Variants in C19orf25 observed in about 807,000 individuals in gnomAD.
C19orf25 encodes the protein chromosome 19 open reading frame 25.
C19orf25 carries 1 observed loss-of-function variant against 3.1 expected under a neutral mutation model. That is an observed-to-expected ratio of 0.32 (90% CI 0.12 to 1.54). The LOEUF is 1.54. C19orf25 is among the 40% of genes most tolerant of loss of function. The pLI, the probability that C19orf25 is intolerant of heterozygous loss-of-function variation, is 0.38. For synonymous variants in C19orf25, 91 were observed against 74.3 expected (o/e 1.23, Z -1.16); for missense variants, 196 against 160.4 (o/e 1.22, Z -1.20).
At position 1,474,913 on chromosome 19, in the gene C19orf25, G is replaced by C; in HGVS notation, c.*119C>G. On this transcript the variant is annotated 3_prime_UTR_variant, in exon 3 of 3. Coordinates refer to ENST00000585675, the MANE Select transcript of C19orf25 (RefSeq NM_152482.3). ...AGCCCCAGCATCAGGAGGGGCGCCT[G>C]TGTCAACACCCACGTGGGCTGGGAC... 1 of 1,524,078 alleles carries C rather than the reference G, an allele frequency of 6.6e-7. No individual in the cohort carries two copies. Among genetic ancestry groups the C allele is most frequent in the South Asian group, 1.2e-5 (1 of 83,636 alleles). 94.4% of individuals were successfully genotyped at this position (1,524,078 alleles called of 1,614,324 possible).
rs1050034445 is a variant in C19orf25 at position 1,478,871 on chromosome 19, C to G, written c.33G>C (p.Leu11=). The change falls in exon 2 of 3, where the codon CTG becomes CTC. Residue 11 remains leucine (L), a synonymous_variant. Transcript: ENST00000585675. ...CCGTGGGGGGCGCTGGGCGGGTGGGCAGCAGCACGCGCTTCTTTGCCTTGG... is the reference window on the plus strand; with the variant it reads ...CCGTGGGGGGCGCTGGGCGGGTGGGGAGCAGCACGCGCTTCTTTGCCTTGG... MGSKAKKRVL[L]PTRPAPPTVE... 2.8e-5 allele frequency: 45 copies of G among 1,593,946 alleles called. No homozygotes were observed. The highest frequency in any genetic ancestry group is 3.6e-5 in the Non-Finnish European group (42 of 1,172,398).
chr19:1,477,709 C>G (rs2084219635), intron 2 of C19orf25, among the ~76,000 whole-genome samples: 1 of 152,134 alleles, frequency 6.6e-6, no homozygotes, highest in Non-Finnish European at 1.5e-5. Context: ...CAGAAATGTT[C>G]TTTTTCACCC....
chr19:1,476,003 G>A (rs1178063421), intron 2 of C19orf25: 11 of 392,884 alleles, frequency 2.8e-5, no homozygotes, highest in Non-Finnish European at 3.6e-5. Context: ...CTCTCCAGGG[G>A]CCGTGCAACC....
chr19:1,479,052 C>A, intron 1 of C19orf25, 111 bp downstream of exon 1: 1 of 1,386,902 alleles, frequency 7.2e-7, no homozygotes, highest in Non-Finnish European at 9.3e-7. Flanking sequence ...GAGCTCGCCC[C>A]AGGCCCTGAC....
In C19orf25 at chr19:1,479,178, G is replaced by A. The variant is rs2084239191; in HGVS notation, c.-18C>T. 4.7e-6 allele frequency: 6 copies of A among 1,281,646 alleles called. No homozygotes were observed. The highest frequency in any genetic ancestry group is 2.4e-5 in the South Asian group (1 of 42,104). The allele number at this position is 1,281,646 out of a possible 1,614,324, so 79.4% of individuals were successfully genotyped here. A position where few individuals can be genotyped will look rare whatever the true frequency, so the allele number is the denominator to read the frequency against. ...CTCTTCCCACCTGGGCGCGGGACCC[G>A]AAAGCCCAGCGTCGACGACGCAGCC... On this transcript the variant is annotated 5_prime_UTR_variant, in exon 1 of 3. Coordinates refer to ENST00000585675, the MANE Select transcript of C19orf25 (RefSeq NM_152482.3).
Position 1,474,966 on chromosome 19 carries a change from G to A in C19orf25, c.*66C>T, listed in dbSNP as rs775480565. 2.5e-5 allele frequency: 38 copies of A among 1,532,262 alleles called. No individual in the cohort carries two copies. Among genetic ancestry groups the A allele is most frequent in the South Asian group, 1.2e-5 (1 of 84,128 alleles). 94.9% of individuals were successfully genotyped at this position (1,532,262 alleles called of 1,614,324 possible). The stretch of plus-strand genomic sequence containing the variant: ...CGTGAATGCCAGTCTGGGGCCGACG[G>A]ACCCCCAGGGAAAGCCTGGGTGCAG... On this transcript the variant is annotated 3_prime_UTR_variant, in exon 3 of 3. Coordinates refer to ENST00000585675, the MANE Select transcript of C19orf25 (RefSeq NM_152482.3).
intron 2 of C19orf25, 116 bp from the exon 3 acceptor site, chr19:1,475,374 C>A: frequency 9.2e-7 from 1 of 1,087,800 alleles, no homozygotes. Flanking sequence ...GCTTGCCAGC[C>A]GGGGTCTTCT....
intron 2 of C19orf25, chr19:1,476,218 C>A (rs534098592): frequency 2.3e-5 from 9 of 398,742 alleles, no homozygotes; most frequent in Non-Finnish European, 4.0e-5. Context: ...GCCTGCCCCT[C>A]GGCAGTGTGG....
chr19:1,478,313 T>C (rs1490261640), intron 2 of C19orf25: 6 of 221,182 alleles, frequency 2.7e-5, no homozygotes, highest in Non-Finnish European at 5.3e-5. Flanking sequence ...CGATCTCGGC[T>C]CACTGCAAAC....
intron 2 of C19orf25, 140 bp downstream of exon 2, chr19:1,478,634 G>A: frequency 6.9e-7 from 1 of 1,451,378 alleles, no homozygotes; most frequent in Non-Finnish European, 9.1e-7. Flanking sequence ...AGTAGAGGGA[G>A]ACTCGGAGAG....
At chr19:1,476,163 G>A (rs966597243) in intron 2 of C19orf25, 126 of 398,526 alleles carry the variant, frequency 3.2e-4, no homozygotes, top group Admixed American at 8.4e-4. Context: ...AAGCAGCACC[G>A]ACTTCAGGGT....
In C19orf25 at chr19:1,474,227, T is replaced by C. The variant is rs45441601; in HGVS notation, c.*805A>G. 0.052 allele frequency: 7,969 copies of C among 152,188 alleles called. 221 individuals carry two copies. The highest frequency in any genetic ancestry group is 0.099 in the Middle Eastern group (29 of 292). The allele number at this position is 152,188 out of a possible 1,614,324, so 9.4% of individuals were successfully genotyped here. A position where few individuals can be genotyped will look rare whatever the true frequency, so the allele number is the denominator to read the frequency against. Reference sequence around the variant, plus strand: ...CAGCCTCTGGGCCGCCTTGCCCAGGTTTCCACTCAAGTTGCTATTTAGGAT... The same window carrying C: ...CAGCCTCTGGGCCGCCTTGCCCAGGCTTCCACTCAAGTTGCTATTTAGGAT... On this transcript the variant is annotated 3_prime_UTR_variant, in exon 3 of 3. Coordinates refer to ENST00000585675, the MANE Select transcript of C19orf25 (RefSeq NM_152482.3).
rs753320361 is a variant in C19orf25 at position 1,475,065 on chromosome 19, T to C, written c.324A>G (p.Ala108=). The C allele has an allele frequency of 6.2e-6, 10 of 1,602,510 alleles. No individual in the cohort carries two copies. The Admixed American group carries it at 6.8e-5, about 11-fold the overall frequency. Residue 108 remains alanine (A), a synonymous_variant, in exon 3 of 3, where the codon GCA becomes GCG. Transcript: ENST00000585675. ...AGGAGGCAGCCTCGGCTGCCGGTAA[T>C]GCTGCCTGCTTCATCTGGGCCACCT... ...EREVAQMKQA[A]LPAAEAASSG
In C19orf25 at chr19:1,474,642, C is replaced by T. The variant is rs762389596; in HGVS notation, c.*390G>A. The T allele has an allele frequency of 1.7e-5, 10 of 598,900 alleles. No individual in the cohort carries two copies. The highest frequency in any genetic ancestry group is 9.7e-5 in the South Asian group (3 of 30,962). The allele number at this position is 598,900 out of a possible 1,614,324, so 37.1% of individuals were successfully genotyped here. ...CTGGATGGAATCACAGTTAACACCT[C>T]GATCCCAACACCTGGACTCAGAAGT... is the stretch of plus-strand genomic sequence containing the variant. On this transcript the variant is annotated 3_prime_UTR_variant, in exon 3 of 3. Transcript: ENST00000585675.
rs552202391 is a variant in C19orf25 at position 1,478,260 on chromosome 19, T to G, written c.130+514A>C. On this transcript the variant is annotated intron_variant, in intron 2 of 2. Coordinates refer to ENST00000585675, the MANE Select transcript of C19orf25 (RefSeq NM_152482.3). ...ACACCCAGTAATTTTTTTTTTTTTT[T>G]GAGACAGTCTCGCACTGTCACCTGG... 4.0e-5 allele frequency among the ~76,000 whole-genome samples: 6 copies of G among 151,808 alleles called. No homozygotes were observed. The South Asian group carries it at 1.2e-3, about 32-fold the overall frequency.
chr19:1,478,615 C>A, intron 2 of C19orf25, 159 bp downstream of exon 2: 3 of 1,427,048 alleles, frequency 2.1e-6, no homozygotes, highest in Non-Finnish European at 2.7e-6. Context: ...CGGTCCCACT[C>A]TACGGAGGAG....
chr19:1,475,608 G>A (rs1568192997), intron 2 of C19orf25: 1 of 252,956 alleles, frequency 4.0e-6, no homozygotes, highest in East Asian at 7.5e-5. Context: ...AGGATCGCTT[G>A]AGACTGGGAG....
Position 1,474,750 on chromosome 19 carries a change from G to A in C19orf25, c.*282C>T. 1 of 1,409,266 alleles carries A rather than the reference G, an allele frequency of 7.1e-7. No homozygotes were observed. The highest frequency in any genetic ancestry group is 9.3e-7 in the Non-Finnish European group (1 of 1,076,556). The allele number at this position is 1,409,266 out of a possible 1,614,324, so 87.3% of individuals were successfully genotyped here. A position where few individuals can be genotyped will look rare whatever the true frequency, so the allele number is the denominator to read the frequency against. On this transcript the variant is annotated 3_prime_UTR_variant, in exon 3 of 3. Coordinates refer to ENST00000585675, the MANE Select transcript of C19orf25 (RefSeq NM_152482.3). ...CCACTGCAGAGCACGGCCACTGTGA[G>A]CTGACGACAGAATCACAGTACAGCA...
Position 1,475,039 on chromosome 19 carries a change from G to C in C19orf25, c.350C>G (p.Ser117Ter), listed in dbSNP as rs771766709. Residue 117 changes from serine to a stop codon, truncating the protein, a stop_gained, in exon 3 of 3, where the codon TCA becomes TGA. Transcript: ENST00000585675. LOFTEE classifies it high-confidence loss of function. ...CCTGCAGGCCCCGAGAGGTCAGCCT[G>C]AGGAGGCAGCCTCGGCTGCCGGTAA... ...AALPAAEAAS[S>*]G is the part of the protein sequence containing the mutation. 3 of 1,590,270 alleles carry C rather than the reference G, an allele frequency of 1.9e-6. No individual in the cohort carries two copies. Among genetic ancestry groups the C allele is most frequent in the Non-Finnish European group, 1.7e-6 (2 of 1,171,036 alleles).
Sources: gnomAD v4.1 joint callset for allele counts (sites outside exome capture counted in the v4.1 genomes callset) on GRCh38, gnomAD v4.1.1 for gene constraint, MANE v1.5 for transcripts, NCBI Gene and HGNC (gene_info 2026-07-23, HGNC 2026-07-21) for gene names.